The following RBFOX1 variants were observed in gnomAD, a reference collection of about 807,000 sequenced individuals.
RBFOX1 encodes RNA binding fox-1 homolog 1.
RBFOX1 carries 8 observed loss-of-function variants against 57.7 expected under a neutral mutation model. That is an observed-to-expected ratio of 0.14 (90% CI 0.08 to 0.25). The LOEUF is 0.25. Ranked by LOEUF, RBFOX1 falls within the 10% of genes least tolerant of loss-of-function variation. The pLI, the probability that RBFOX1 is intolerant of heterozygous loss-of-function variation, is 1.00. For synonymous variants in RBFOX1, 326 were observed against 222.4 expected, an observed-to-expected ratio of 1.47 and a Z score of -4.15; for missense variants, 611 against 548.5, an observed-to-expected ratio of 1.11 and a Z score of -1.14.
intron 2 of RBFOX1, among the ~76,000 whole-genome samples, chr16:5,504,585 C>T (rs2043313319): frequency 6.6e-6 from 1 of 152,206 alleles, no homozygotes; most frequent in South Asian, 2.1e-4. Flanking sequence ...TACTTATCAT[C>T]AAAGGGGAGG....
chr16:7,618,884 G>A (rs1264770106), intron 10 of RBFOX1, among the ~76,000 whole-genome samples: 1 of 152,156 alleles, frequency 6.6e-6, no homozygotes, highest in South Asian at 2.1e-4. Context: ...ACACATTACA[G>A]TCGACATATT....
At chr16:7,289,095 C>G (rs1387829820) in intron 4 of RBFOX1, among the ~76,000 whole-genome samples, 1 of 152,148 alleles carries the variant, frequency 6.6e-6, no homozygotes, top group Non-Finnish European at 1.5e-5. Context: ...ACACTCATGC[C>G]AGATCCTGCC....
At chr16:6,915,246 C>T (rs1010600193) in intron 3 of RBFOX1, among the ~76,000 whole-genome samples, 3 of 152,106 alleles carry the variant, frequency 2.0e-5, no homozygotes, top group Non-Finnish European at 4.4e-5. Context: ...CTGTGGTCCT[C>T]AGCATTTCTA....
chr16:7,546,439 A>T (rs1357533482), intron 5 of RBFOX1, among the ~76,000 whole-genome samples: 1 of 152,226 alleles, frequency 6.6e-6, no homozygotes, highest in African/African-American at 2.4e-5. Context: ...AACTAATACA[A>T]CGCAATCCCT....
At chr16:7,205,400 C>T (rs946728656) in intron 4 of RBFOX1, among the ~76,000 whole-genome samples, 1 of 151,782 alleles carries the variant, frequency 6.6e-6, no homozygotes, top group Non-Finnish European at 1.5e-5. Flanking sequence ...CTCCTGTAAT[C>T]CCAGCTACTC....
intron 4 of RBFOX1, among the ~76,000 whole-genome samples, chr16:7,221,895 C>T (rs775497836): frequency 8.5e-5 from 13 of 152,314 alleles, no homozygotes; most frequent in Middle Eastern, 6.8e-3. Flanking sequence ...GAGCTGACAT[C>T]TCTTCATGTC....
chr16:6,202,718 G>T (rs1212068483), intron 1 of RBFOX1, among the ~76,000 whole-genome samples: 1 of 152,066 alleles, frequency 6.6e-6, no homozygotes, highest in Admixed American at 6.6e-5. Context: ...CTGTATATTT[G>T]TATTTATCCA....
intron 10 of RBFOX1, among the ~76,000 whole-genome samples, chr16:7,625,313 G>A (rs1277461730): frequency 6.6e-6 from 1 of 151,994 alleles, no homozygotes; most frequent in Non-Finnish European, 1.5e-5. Flanking sequence ...ATCAAAGCTT[G>A]CCCACCCAGC....
At chr16:5,411,848 A>T (rs779585785) in intron 1 of RBFOX1, among the ~76,000 whole-genome samples, 1 of 152,190 alleles carries the variant, frequency 6.6e-6, no homozygotes, top group Non-Finnish European at 1.5e-5. Flanking sequence ...GCACCACTGC[A>T]CTCCAGCCTG....
chr16:7,691,525 C>T (rs2077334604), intron 14 of RBFOX1, among the ~76,000 whole-genome samples: 1 of 149,590 alleles, frequency 6.7e-6, no homozygotes, highest in South Asian at 2.1e-4. Flanking sequence ...AGGTTAAGTG[C>T]AGACTCAAAA....
At chr16:5,705,760 A>C (rs983175606) in intron 3 of RBFOX1, among the ~76,000 whole-genome samples, 2 of 151,982 alleles carry the variant, frequency 1.3e-5, no homozygotes, top group Non-Finnish European at 2.9e-5. Flanking sequence ...TAACAAGATC[A>C]CTCTGTCATT....
At chr16:6,083,089 C>T (rs1429356973) in intron 1 of RBFOX1, among the ~76,000 whole-genome samples, 2 of 152,006 alleles carry the variant, frequency 1.3e-5, no homozygotes, top group South Asian at 2.1e-4. Flanking sequence ...GCAACCTCCT[C>T]CTCCCAGGTT....
chr16:7,427,761 C>G (rs1480922310), intron 4 of RBFOX1, among the ~76,000 whole-genome samples: 1 of 152,040 alleles, frequency 6.6e-6, no homozygotes, highest in Non-Finnish European at 1.5e-5. Flanking sequence ...TCTAGTGATT[C>G]TTGTGCCTCA....
intron 3 of RBFOX1, among the ~76,000 whole-genome samples, chr16:5,834,730 G>GATAC (rs763479891): frequency 0.12 from 16,942 of 146,182 alleles, 1,205 homozygotes; most frequent in Non-Finnish European, 0.15. Flanking sequence ...TAGATACATA[G>GATAC]ATACATACAT....
chr16:5,774,438 C>T (rs917018469), intron 3 of RBFOX1, among the ~76,000 whole-genome samples: 4 of 152,234 alleles, frequency 2.6e-5, no homozygotes, highest in African/African-American at 4.8e-5. Flanking sequence ...GTATTTTAAA[C>T]ACACAGGTAA....
At position 6,208,487 on chromosome 16, in the gene RBFOX1, C is replaced by T. The variant is rs537205150; in HGVS notation, c.-126-108508C>T. 1.1e-4 allele frequency among the ~76,000 whole-genome samples: 16 copies of T among 152,076 alleles called. No individual in the cohort carries two copies. The East Asian group carries it at 3.1e-3, about 30-fold the overall frequency. ...GAGGGTAAGCCCAAAGAGTCCCTGC[C>T]CCTTTGGAGGTCAAGGCTTTGTCTG... On this transcript the variant is annotated intron_variant, in intron 1 of 15. Transcript: ENST00000550418.
chr16:7,315,049 G>T (rs1392385910), intron 4 of RBFOX1, among the ~76,000 whole-genome samples: 1 of 150,020 alleles, frequency 6.7e-6, no homozygotes, highest in Non-Finnish European at 1.5e-5. Context: ...ATTTTATTTG[G>T]AGCCCTCAAT....
chr16:7,580,314 C>T (rs2093656033), intron 6 of RBFOX1, among the ~76,000 whole-genome samples: 2 of 152,078 alleles, frequency 1.3e-5, no homozygotes, highest in East Asian at 3.9e-4. Context: ...TCAAATGATC[C>T]AGAGGGTGAC....
At chr16:7,134,032 T>C (rs2071237653) in intron 4 of RBFOX1, among the ~76,000 whole-genome samples, 1 of 152,224 alleles carries the variant, frequency 6.6e-6, no homozygotes, top group African/African-American at 2.4e-5. Flanking sequence ...TGTGCTTCAG[T>C]AAATTTAATA....
Sources: gnomAD v4.1 joint callset for allele counts (sites outside exome capture counted in the v4.1 genomes callset) on GRCh38, gnomAD v4.1.1 for gene constraint, MANE v1.5 for transcripts, NCBI Gene and HGNC (gene_info 2026-07-23, HGNC 2026-07-21) for gene names.